ITGB3BP: variants seen among roughly 807,000 people sequenced by gnomAD.
The protein encoded by ITGB3BP is centromere protein R.
Under a neutral mutation model 29.1 loss-of-function variants are expected in ITGB3BP, and 27 were observed. The observed-to-expected ratio is 0.93, with a 90% CI of 0.68 to 1.28. The LOEUF is 1.28. Ranked by LOEUF, ITGB3BP falls within the 50% of genes most tolerant of loss-of-function variation. The probability of loss-of-function intolerance (pLI) is 0.00; values close to 1 mark genes in which losing one functional copy is unlikely to be tolerated. For synonymous variants in ITGB3BP, 61 were observed against 61.4 expected, an observed-to-expected ratio of 0.99 and a Z score of 0.03; for missense variants, 192 against 200.2, an observed-to-expected ratio of 0.96 and a Z score of 0.25.
chr1:63,489,793 T>TA (rs1362245593), intron 3 of ITGB3BP, among the ~76,000 whole-genome samples: 7 of 152,100 alleles, frequency 4.6e-5, no homozygotes, highest in African/African-American at 1.7e-4. Flanking sequence ...GATAGCTTGT[T>TA]AAGGGGCATA....
At chr1:63,461,049 C>T (rs2100535124) in intron 4 of ITGB3BP, among the ~76,000 whole-genome samples, 1 of 144,384 alleles carries the variant, frequency 6.9e-6, no homozygotes, top group South Asian at 2.2e-4. Context: ...ACCACTCTGG[C>T]TAACATGGTG....
intron 1 of ITGB3BP, among the ~76,000 whole-genome samples, chr1:63,512,693 T>C (rs532928284): frequency 2.0e-5 from 3 of 152,126 alleles, no homozygotes; most frequent in East Asian, 3.9e-4. Flanking sequence ...GCCTGTAAAG[T>C]AGTAAGAAAT....
chr1:63,516,370 G>A lies in ITGB3BP; in HGVS notation c.5+6759C>T, dbSNP rs1211750946. On this transcript the variant is annotated intron_variant, in intron 1 of 8. Coordinates refer to ENST00000271002, the MANE Select transcript of ITGB3BP (RefSeq NM_014288.5). Reference sequence around the variant, plus strand: ...AGCGGGGGAAGGTGGGGGAGAAGGGGGGGGGAAGGGAAAAGGAAAGAAAAG... The same window carrying A: ...AGCGGGGGAAGGTGGGGGAGAAGGGAGGGGGAAGGGAAAAGGAAAGAAAAG... Among the ~76,000 whole-genome samples the A allele has an allele frequency of 3.0e-3, 411 of 138,548 alleles. 2 individuals are homozygous for A. Among genetic ancestry groups the A allele is most frequent in the Non-Finnish European group, 5.3e-3 (339 of 63,932 alleles). 90.9% of individuals were successfully genotyped at this position (138,548 alleles called of 152,430 possible). A position where few individuals can be genotyped will look rare whatever the true frequency, so the allele number is the denominator to read the frequency against.
chr1:63,510,115 G>T, intron 1 of ITGB3BP: 1 of 634,002 alleles, frequency 1.6e-6, no homozygotes, highest in South Asian at 1.7e-5. Context: ...GCTTGAACGC[G>T]GGAAGCAGAT....
At chr1:63,525,218 T>C (rs1646565871), upstream of ITGB3BP, among the ~76,000 whole-genome samples, 1 of 152,180 alleles carries the variant, frequency 6.6e-6, no homozygotes, top group South Asian at 2.1e-4. Flanking sequence ...TTTGAGAGAA[T>C]AGATGTGTGC....
chr1:63,515,925 ATGTACT>A (rs1421019336), intron 1 of ITGB3BP, among the ~76,000 whole-genome samples: 4 of 151,336 alleles, frequency 2.6e-5, no homozygotes, highest in African/African-American at 7.3e-5. Flanking sequence ...AAAAAGACAA[ATGTACT>A]TGTACATTTA....
intron 2 of ITGB3BP, among the ~76,000 whole-genome samples, chr1:63,494,667 C>A (rs1026108332): frequency 2.0e-5 from 3 of 152,186 alleles, no homozygotes; most frequent in Admixed American, 1.3e-4. Context: ...TTCACCCTGA[C>A]AAGAAAAATA....
At chr1:63,490,927 G>A (rs1174948699) in intron 2 of ITGB3BP, among the ~76,000 whole-genome samples, 1 of 152,114 alleles carries the variant, frequency 6.6e-6, no homozygotes, top group Non-Finnish European at 1.5e-5. Context: ...AGGAACGAAT[G>A]ACTTACAAGG....
intron 8 of ITGB3BP, among the ~76,000 whole-genome samples, chr1:63,441,907 T>C (rs1004083525): frequency 5.9e-5 from 9 of 152,144 alleles, no homozygotes; most frequent in African/African-American, 2.2e-4. Context: ...ATGGCATACA[T>C]TACCACAGGG....
At chr1:63,522,368 G>A (rs111365637) in intron 1 of ITGB3BP, among the ~76,000 whole-genome samples, 88 of 152,262 alleles carry the variant, frequency 5.8e-4, no homozygotes, top group Admixed American at 1.1e-3. Context: ...TTACACTAGA[G>A]GGGGTACCTA....
In ITGB3BP at chr1:63,473,489, C is replaced by T. The variant is rs1203671168; in HGVS notation, c.254+5275G>A. Among the ~76,000 whole-genome samples, 13 of 141,276 alleles carry T rather than the reference C, an allele frequency of 9.2e-5. No individual in the cohort carries two copies. In the East Asian group the frequency reaches 1.1e-3, roughly 12 times the overall value. 92.7% of individuals were successfully genotyped at this position (141,276 alleles called of 152,430 possible). A position where few individuals can be genotyped will look rare whatever the true frequency, so the allele number is the denominator to read the frequency against. On this transcript the variant is annotated intron_variant, in intron 4 of 8. Transcript: ENST00000271002. ...GAGGGAGGTGGGGGGGTCAGCCCCC[C>T]GCCCGGCCAGCCGCCCAGTCCGGGA...
Position 63,512,710 on chromosome 1 carries a change from G to A in ITGB3BP, c.6-4140C>T, listed in dbSNP as rs542537736. On this transcript the variant is annotated intron_variant, in intron 1 of 8. Coordinates refer to ENST00000271002, the MANE Select transcript of ITGB3BP (RefSeq NM_014288.5). ...CTGTAAAGTAGTAAGAAATTTCTGA[G>A]TGGAAGATAAAAATATCACTGAGTA... Among the ~76,000 whole-genome samples, 496 of 152,214 alleles carry A rather than the reference G, an allele frequency of 3.3e-3. 1 individual carries two copies. Among genetic ancestry groups the A allele is most frequent in the Non-Finnish European group, 5.0e-3 (341 of 67,988 alleles).
chr1:63,468,862 AAAATAAATAAATAAATAAATAAAT>A (rs71045901), intron 4 of ITGB3BP, among the ~76,000 whole-genome samples: 1 of 139,304 alleles, frequency 7.2e-6, no homozygotes. Context: ...ACTCTGTCTC[AAAATAAATAAATAAATAAATAAAT>A]AAATAAATAA....
At chr1:63,469,002 G>C (rs1326320090) in intron 4 of ITGB3BP, among the ~76,000 whole-genome samples, 2 of 151,378 alleles carry the variant, frequency 1.3e-5, no homozygotes, top group African/African-American at 2.4e-5. Context: ...AGTGAACCAA[G>C]ATTGTGCCAG....
At chr1:63,493,088 A>ACACGCGCGCG (rs372348238) in intron 2 of ITGB3BP, among the ~76,000 whole-genome samples, 6,906 of 148,492 alleles carry the variant, frequency 0.047, 208 homozygotes, top group Admixed American at 0.074. Flanking sequence ...ACACACACAC[A>ACACGCGCGCG]CGCGCGCGCG....
intron 4 of ITGB3BP, among the ~76,000 whole-genome samples, chr1:63,473,391 G>T (rs1334309037): frequency 6.9e-6 from 1 of 145,188 alleles, no homozygotes; most frequent in Non-Finnish European, 1.5e-5. Context: ...TCCGGGAGGT[G>T]AGGGGCTCCT....
chr1:63,475,057 C>T (rs1402097551), intron 4 of ITGB3BP, among the ~76,000 whole-genome samples: 4 of 152,146 alleles, frequency 2.6e-5, no homozygotes, highest in African/African-American at 9.7e-5. Flanking sequence ...TCACTGCACC[C>T]TCAACCTCCT....
Position 63,482,138 on chromosome 1 carries a change from T to G in ITGB3BP, c.185-3305A>C, listed in dbSNP as rs12075477. The stretch of plus-strand genomic sequence containing the variant: ...AATACAAAAAATTACCCGCGCCTGG[T>G]GGTGTGTGCCTATAATCTCAGCTAC... On this transcript the variant is annotated intron_variant, in intron 3 of 8. Transcript: ENST00000271002. Among the ~76,000 whole-genome samples the G allele has an allele frequency of 6.2e-3, 944 of 151,518 alleles. 4 individuals are homozygous for G. The highest frequency in any genetic ancestry group is 0.022 in the African/African-American group (904 of 41,322).
At chr1:63,479,415 A>G (rs1212281193) in intron 3 of ITGB3BP, among the ~76,000 whole-genome samples, 1 of 152,170 alleles carries the variant, frequency 6.6e-6, no homozygotes, top group African/African-American at 2.4e-5. Flanking sequence ...AAACTAGTTA[A>G]CATATCTATT....
Sources: gnomAD v4.1 joint callset for allele counts (sites outside exome capture counted in the v4.1 genomes callset) on GRCh38, gnomAD v4.1.1 for gene constraint, MANE v1.5 for transcripts, NCBI Gene and HGNC (gene_info 2026-07-23, HGNC 2026-07-21) for gene names.